Variants in NUCKS1 observed in about 807,000 individuals in gnomAD.
NUCKS1 encodes nuclear ubiquitous casein and cyclin-dependent kinase substrate 1.
NUCKS1 carries 2 observed loss-of-function variants against 33.0 expected under a neutral mutation model. The observed-to-expected ratio is 0.06, with a 90% CI of 0.02 to 0.19. The LOEUF is 0.19. NUCKS1 is among the 10% of genes least tolerant of loss of function. NUCKS1 has a pLI of 1.00. For missense variants in NUCKS1, 201 were observed against 293.6 expected (o/e 0.68, Z 2.31); for synonymous variants, 106 against 102.8 (o/e 1.03, Z -0.19).
rs1671921186 is a variant in NUCKS1, at chr1:205,721,724, A to G, written c.230-1071T>C. On this transcript the variant is annotated intron_variant, in intron 4 of 6. Coordinates refer to ENST00000367142, the MANE Select transcript of NUCKS1 (RefSeq NM_022731.5). ...GTTTTGCTCTTGTTGCCCAGGCTGG[A>G]GTGCAATATAGCGCAATCTCGCCTC... Among the ~76,000 whole-genome samples the G allele has an allele frequency of 2.7e-5, 4 of 148,592 alleles. No individual in the cohort carries two copies. The Admixed American group carries it at 2.7e-4, about 10-fold the overall frequency.
At chr1:205,745,460 C>T (rs1003054990) in intron 1 of NUCKS1, among the ~76,000 whole-genome samples, 7 of 151,630 alleles carry the variant, frequency 4.6e-5, no homozygotes, top group Admixed American at 2.6e-4. Context: ...AGTGCACTCC[C>T]GCCTGGGTGA....
chr1:205,727,671 A>C (rs756097965), intron 3 of NUCKS1, 29 bp downstream of exon 3: 4 of 1,421,416 alleles, frequency 2.8e-6, no homozygotes, highest in African/African-American at 1.4e-5. Flanking sequence ...TAACAGTGTA[A>C]GCAGGAACAG....
intron 4 of NUCKS1, among the ~76,000 whole-genome samples, chr1:205,721,031 GT>G (rs1486072574): frequency 6.8e-6 from 1 of 147,912 alleles, no homozygotes; most frequent in Admixed American, 7.0e-5. Context: ...ACACTGCCAT[GT>G]TCTCGCTTAT....
intron 1 of NUCKS1, among the ~76,000 whole-genome samples, chr1:205,738,049 G>A (rs999929624): frequency 3.3e-5 from 5 of 152,028 alleles, no homozygotes; most frequent in Admixed American, 1.3e-4. Context: ...TTTTTGAGAC[G>A]GAGTCTCGCT....
At chr1:205,746,445 TCTCTCTCTCACACACACACA>T (rs999721289) in intron 1 of NUCKS1, among the ~76,000 whole-genome samples, 2 of 84,870 alleles carry the variant, frequency 2.4e-5, no homozygotes, top group African/African-American at 7.7e-5. Context: ...CTTCTCTCTC[TCTCTCTCTCACACACACACA>T]CACACACACA....
chr1:205,715,783 G>A lies in NUCKS1; in HGVS notation c.*2497C>T, dbSNP rs765786289. 2 of 152,150 alleles carry A rather than the reference G, an allele frequency of 1.3e-5. No homozygotes were observed. Among genetic ancestry groups the A allele is most frequent in the Admixed American group, 1.3e-4 (2 of 15,274 alleles). The allele number at this position is 152,150 out of a possible 1,614,324, so 9.4% of individuals were successfully genotyped here. On this transcript the variant is annotated 3_prime_UTR_variant, in exon 7 of 7. Transcript: ENST00000367142. ...GCCATTTCACCATAGGCACACTAGA[G>A]AAAAAGAGGAAGGTTAGTCAAGGAT...
intron 1 of NUCKS1, among the ~76,000 whole-genome samples, chr1:205,740,558 T>A (rs1299942236): frequency 6.6e-6 from 1 of 151,884 alleles, no homozygotes; most frequent in African/African-American, 2.4e-5. Flanking sequence ...GATGTTGCAA[T>A]GAGATCAGGC....
Position 205,718,316 on chromosome 1 carries a change from T to C in NUCKS1, c.696A>G (p.Glu232=). 6.2e-7 allele frequency: 1 copy of C among 1,613,536 alleles called. No homozygotes were observed. The highest frequency in any genetic ancestry group is 1.1e-5 in the South Asian group (1 of 91,012). ...CAGAAGGGGCTTCATCTTCAGACCC[T>C]TCATCCCCAGATTTCTCGGGTGGGG... ...TSPPPEKSGD[E]GSEDEAPSGE... The change falls in exon 7 of 7, where the codon GAA becomes GAG. Residue 232 remains glutamate, a synonymous_variant. Transcript: ENST00000367142.
intron 1 of NUCKS1, among the ~76,000 whole-genome samples, chr1:205,745,307 T>A (rs1365082037): frequency 6.6e-6 from 1 of 152,116 alleles, no homozygotes; most frequent in Non-Finnish European, 1.5e-5. Context: ...TCTCTCAGCC[T>A]GAGCAACATG....
chr1:205,744,526 G>C (rs750226161), intron 1 of NUCKS1, among the ~76,000 whole-genome samples: 4 of 149,416 alleles, frequency 2.7e-5, no homozygotes, highest in Admixed American at 6.7e-5. Flanking sequence ...AATCCAAAAA[G>C]TTCTGAAAAT....
intron 3 of NUCKS1, among the ~76,000 whole-genome samples, chr1:205,726,088 A>G (rs1571574327): frequency 6.6e-6 from 1 of 152,110 alleles, no homozygotes; most frequent in East Asian, 1.9e-4. Context: ...AGTCCCAGCT[A>G]CTCAGGAGGC....
chr1:205,743,628 A>G lies in NUCKS1; in HGVS notation c.17+6329T>C, dbSNP rs1030441026. ...AAAGATTGTTTTGTTCTTGGGACAAACCCTACTTGATCACATATATTTTTA... is the reference window on the plus strand; with the variant it reads ...AAAGATTGTTTTGTTCTTGGGACAAGCCCTACTTGATCACATATATTTTTA... On this transcript the variant is annotated intron_variant, in intron 1 of 6. Transcript: ENST00000367142. 2.6e-5 allele frequency among the ~76,000 whole-genome samples: 4 copies of G among 152,176 alleles called. 1 individual carries two copies. The highest frequency in any genetic ancestry group is 9.7e-5 in the African/African-American group (4 of 41,436).
rs1231418121 is a variant in NUCKS1, at chr1:205,717,469, T to A, written c.*811A>T. ...ACATATATATTTAGAGAAGGAAATA[T>A]GAAATCAAGAGTTTTGGCAGCCCCT... On this transcript the variant is annotated 3_prime_UTR_variant, in exon 7 of 7. Coordinates refer to ENST00000367142, the MANE Select transcript of NUCKS1 (RefSeq NM_022731.5). 1 of 983,536 alleles carries A rather than the reference T, an allele frequency of 1.0e-6. No homozygotes were observed. Among genetic ancestry groups the A allele is most frequent in the Non-Finnish European group, 1.2e-6 (1 of 828,890 alleles). The allele number at this position is 983,536 out of a possible 1,614,324, so 60.9% of individuals were successfully genotyped here.
chr1:205,724,009 C>T (rs1394962493), intron 3 of NUCKS1, 28 bp from the exon 4 acceptor site: 32 of 1,559,854 alleles, frequency 2.1e-5, no homozygotes, highest in Non-Finnish European at 2.7e-5. Flanking sequence ...AAAGCAAATG[C>T]ATAAAAGTCT....
Position 205,750,165 on chromosome 1 carries a change from C to G in NUCKS1, c.-192G>C. The stretch of plus-strand genomic sequence containing the variant: ...GGAACAGACGAGCCCCCCGCTCCCC[C>G]GTCTCTTCAAAATGGATGAATCAAA... On this transcript the variant is annotated 5_prime_UTR_variant, in exon 1 of 7. Coordinates refer to ENST00000367142, the MANE Select transcript of NUCKS1 (RefSeq NM_022731.5). 4.8e-6 allele frequency: 3 copies of G among 625,352 alleles called. No homozygotes were observed. The highest frequency in any genetic ancestry group is 8.5e-6 in the Non-Finnish European group (3 of 352,080). The allele number at this position is 625,352 out of a possible 1,614,324, so 38.7% of individuals were successfully genotyped here.
chr1:205,748,610 C>T (rs1218506292), intron 1 of NUCKS1, among the ~76,000 whole-genome samples: 1 of 152,220 alleles, frequency 6.6e-6, no homozygotes, highest in Admixed American at 6.5e-5. Context: ...GCAGCTTTCT[C>T]CTCATTCCCA....
chr1:205,744,755 C>T (rs899939930), intron 1 of NUCKS1, among the ~76,000 whole-genome samples: 7 of 151,202 alleles, frequency 4.6e-5, no homozygotes, highest in African/African-American at 1.7e-4. Context: ...GCCTCAGCCT[C>T]CTAAGTAGCT....
At position 205,745,995 on chromosome 1, in the gene NUCKS1, C is replaced by G. The variant is rs149811010; in HGVS notation, c.17+3962G>C. On this transcript the variant is annotated intron_variant, in intron 1 of 6. Transcript: ENST00000367142. ...ATGTTGAGCAAAAGTGAATACTTTT[C>G]TTATAAAAGTAACTTTCCGGCCGGG... 7.4e-3 allele frequency among the ~76,000 whole-genome samples: 1,132 copies of G among 152,252 alleles called. 11 individuals are homozygous for G. The highest frequency in any genetic ancestry group is 0.026 in the African/African-American group (1,085 of 41,548).
intron 1 of NUCKS1, among the ~76,000 whole-genome samples, chr1:205,745,488 CA>C (rs55737937): frequency 0.26 from 37,076 of 143,476 alleles, 4,936 homozygotes; most frequent in Admixed American, 0.35. Flanking sequence ...ATCCTGTCTC[CA>C]AAAAAAAAAA....
Sources: allele counts gnomAD v4.1 joint callset (sites outside exome capture counted in the v4.1 genomes callset), GRCh38; gene constraint gnomAD v4.1.1; transcripts MANE v1.5; gene names NCBI Gene and HGNC (gene_info 2026-07-23, HGNC 2026-07-21).